NME7: variants seen among roughly 807,000 people sequenced by gnomAD.
NME7 encodes nucleoside diphosphate kinase 7.
Under a neutral mutation model 49.1 loss-of-function variants are expected in NME7, and 41 were observed. The observed-to-expected ratio is 0.83, with a 90% CI of 0.65 to 1.08. The LOEUF is 1.08. Among genes scored for constraint, NME7 ranks in the 50% least tolerant of loss-of-function variants. The probability of loss-of-function intolerance (pLI) is 0.00; values close to 1 mark genes in which losing one functional copy is unlikely to be tolerated. For synonymous variants in NME7, 139 were observed against 150.6 expected, an observed-to-expected ratio of 0.92 and a Z score of 0.56; for missense variants, 423 against 463.4, an observed-to-expected ratio of 0.91 and a Z score of 0.80.
At chr1:169,345,008 C>T (rs933290041) in intron 1 of NME7, among the ~76,000 whole-genome samples, 3 of 152,084 alleles carry the variant, frequency 2.0e-5, no homozygotes, top group Admixed American at 6.5e-5. Flanking sequence ...AATTCAATTG[C>T]TTTATTTAGT....
intron 8 of NME7, 109 bp downstream of exon 8, chr1:169,237,514 A>T: frequency 1.4e-6 from 1 of 737,300 alleles, no homozygotes; most frequent in Non-Finnish European, 2.2e-6. Context: ...TATGTCTTTT[A>T]TTTTTAATGT....
At chr1:169,156,414 A>G (rs1444778515) in intron 11 of NME7, among the ~76,000 whole-genome samples, 2 of 152,184 alleles carry the variant, frequency 1.3e-5, no homozygotes, top group South Asian at 2.1e-4. Flanking sequence ...TGCTGAGACA[A>G]AATGCCTGGA....
At position 169,221,962 on chromosome 1, in the gene NME7, C is replaced by T. The variant is rs560481955; in HGVS notation, c.990+8756G>A. Among the ~76,000 whole-genome samples, 9 of 152,116 alleles carry T rather than the reference C, an allele frequency of 5.9e-5. No individual in the cohort carries two copies. In the East Asian group the frequency reaches 1.2e-3, roughly 20 times the overall value. On this transcript the variant is annotated intron_variant, in intron 10 of 11. Coordinates refer to ENST00000367811, the MANE Select transcript of NME7 (RefSeq NM_013330.5). Reference sequence around the variant, plus strand: ...GTTTTTAAATAGAGACAGGGTCTTGCTATATTGACCAGGCTAGTCTTGAAC... The same window carrying T: ...GTTTTTAAATAGAGACAGGGTCTTGTTATATTGACCAGGCTAGTCTTGAAC...
intron 10 of NME7, among the ~76,000 whole-genome samples, chr1:169,186,795 C>G (rs1400060624): frequency 6.6e-6 from 1 of 151,932 alleles, no homozygotes; most frequent in Non-Finnish European, 1.5e-5. Flanking sequence ...TTGTCTTCTG[C>G]TAGCTTTTGT....
chr1:169,342,075 G>T (rs1470459023), intron 1 of NME7, among the ~76,000 whole-genome samples: 1 of 152,130 alleles, frequency 6.6e-6, no homozygotes, highest in African/African-American at 2.4e-5. Flanking sequence ...CATGAGATTT[G>T]GGAGGGGCCA....
At chr1:169,166,782 C>T (rs1041483110) in intron 11 of NME7, among the ~76,000 whole-genome samples, 3 of 152,144 alleles carry the variant, frequency 2.0e-5, no homozygotes, top group Admixed American at 1.3e-4. Flanking sequence ...GACAGCCTGG[C>T]CAACATGGTG....
intron 9 of NME7, among the ~76,000 whole-genome samples, chr1:169,232,377 T>C (rs1416316870): frequency 6.6e-6 from 1 of 152,026 alleles, no homozygotes; most frequent in East Asian, 1.9e-4. Context: ...GAAAAGGTGA[T>C]AAACATAAAT....
chr1:169,306,574 G>T (rs192284696), intron 4 of NME7, among the ~76,000 whole-genome samples: 2 of 152,304 alleles, frequency 1.3e-5, no homozygotes, highest in Admixed American at 1.3e-4. Context: ...GAGGAATGGG[G>T]GAGCAGCAAG....
intron 7 of NME7, among the ~76,000 whole-genome samples, chr1:169,278,646 C>T (rs1374011343): frequency 1.3e-5 from 2 of 152,166 alleles, no homozygotes; most frequent in Admixed American, 6.5e-5. Flanking sequence ...CCTCCTATAG[C>T]TTGCAGTAGT....
At chr1:169,335,523 A>C (rs1470438976) in intron 1 of NME7, among the ~76,000 whole-genome samples, 1 of 151,640 alleles carries the variant, frequency 6.6e-6, no homozygotes, top group Non-Finnish European at 1.5e-5. Context: ...ACACATAGAG[A>C]GGGGAACAAC....
Position 169,257,089 on chromosome 1 carries a change from C to T in NME7, c.755-19402G>A, listed in dbSNP as rs563044454. On this transcript the variant is annotated intron_variant, in intron 7 of 11. Coordinates refer to ENST00000367811, the MANE Select transcript of NME7 (RefSeq NM_013330.5). ...GGCCTCCTTGAGCTGTGGTGGGCTC[C>T]GCCCAGGTGGAGCTTCCTGGCTGCT... is the stretch of plus-strand genomic sequence containing the variant. Among the ~76,000 whole-genome samples the T allele has an allele frequency of 8.8e-4, 119 of 134,818 alleles. 11 individuals are homozygous for T. Among genetic ancestry groups the T allele is most frequent in the Middle Eastern group, 3.8e-3 (1 of 262 alleles). The allele number at this position is 134,818 out of a possible 152,430, so 88.4% of individuals were successfully genotyped here. A position where few individuals can be genotyped will look rare whatever the true frequency, so the allele number is the denominator to read the frequency against.
chr1:169,269,551 A>G lies in NME7; in HGVS notation c.754+17752T>C, dbSNP rs554910124. 1.9e-4 allele frequency among the ~76,000 whole-genome samples: 25 copies of G among 133,872 alleles called. 6 individuals are homozygous for G. The highest frequency in any genetic ancestry group is 7.0e-5 in the Non-Finnish European group (4 of 56,950). 87.8% of individuals were successfully genotyped at this position (133,872 alleles called of 152,430 possible). ...AAAAGCTGAGCACTTAACTGATTCA[A>G]TCGGCCCAAATTTAGGAGGTTGCAT... On this transcript the variant is annotated intron_variant, in intron 7 of 11. Coordinates refer to ENST00000367811, the MANE Select transcript of NME7 (RefSeq NM_013330.5).
intron 7 of NME7, among the ~76,000 whole-genome samples, chr1:169,256,351 C>T (rs944180807): frequency 2.2e-5 from 3 of 134,342 alleles, no homozygotes; most frequent in African/African-American, 5.0e-5. Flanking sequence ...TCCAGTTGAT[C>T]GCATCGACTC....
intron 7 of NME7, among the ~76,000 whole-genome samples, chr1:169,282,622 G>A (rs1479167067): frequency 6.6e-6 from 1 of 152,140 alleles, no homozygotes; most frequent in Non-Finnish European, 1.5e-5. Flanking sequence ...TACTTTAAAT[G>A]TGTCCCTGAG....
At chr1:169,340,120 A>G (rs1652631369) in intron 1 of NME7, among the ~76,000 whole-genome samples, 1 of 152,144 alleles carries the variant, frequency 6.6e-6, no homozygotes, top group South Asian at 2.1e-4. Flanking sequence ...GAGTATTGAC[A>G]TGGTTTGGCT....
chr1:169,323,123 T>C lies in NME7; in HGVS notation c.272A>G (p.Lys91Arg). The C allele has an allele frequency of 6.4e-7, 1 of 1,553,926 alleles. No individual in the cohort carries two copies. The highest frequency in any genetic ancestry group is 8.7e-7 in the Non-Finnish European group (1 of 1,155,834). Residue 91 changes from lysine (K) to arginine (R), a missense_variant, in exon 3 of 12, where the codon AAA (lysine) becomes AGA (arginine). By Grantham distance (26) the Lys-to-Arg change is conservative (BLOSUM62 2). Transcript: ENST00000367811. ...QYTARQLGSR[K>R]EKTLALIKPD... ...TATATAATTGTTTTCTTACTTTTCT[T>C]TCCTACTGCCCAGCTGGCGAGCTGT...
chr1:169,321,343 G>C (rs887090714), intron 3 of NME7, among the ~76,000 whole-genome samples: 1 of 152,130 alleles, frequency 6.6e-6, no homozygotes, highest in African/African-American at 2.4e-5. Context: ...CTGGGTGACA[G>C]AGCCAGACCC....
chr1:169,305,860 T>C (rs1424737107), intron 4 of NME7, among the ~76,000 whole-genome samples: 3 of 152,236 alleles, frequency 2.0e-5, no homozygotes, highest in Non-Finnish European at 4.4e-5. Flanking sequence ...AGAAGTCTCA[T>C]GTCATCTGCT....
intron 3 of NME7, among the ~76,000 whole-genome samples, chr1:169,317,132 CTA>C (rs1651671947): frequency 6.6e-6 from 1 of 151,810 alleles, no homozygotes; most frequent in Admixed American, 6.6e-5. Flanking sequence ...GAAAAAAAAC[CTA>C]TATGTTATTT....
Sources: allele counts gnomAD v4.1 joint callset (sites outside exome capture counted in the v4.1 genomes callset), GRCh38; gene constraint gnomAD v4.1.1; transcripts MANE v1.5; gene names NCBI Gene and HGNC (gene_info 2026-07-23, HGNC 2026-07-21).